RTN3: variants seen among roughly 807,000 people sequenced by gnomAD.
RTN3 encodes the protein reticulon-3.
Under a neutral mutation model 77.8 loss-of-function variants are expected in RTN3, and 49 were observed. The observed-to-expected ratio is 0.63, with a 90% CI of 0.50 to 0.80. The LOEUF (loss-of-function observed/expected upper bound fraction) is 0.80, where lower values mean the gene tolerates loss of function less well. RTN3 is among the 30% of genes least tolerant of loss of function. The pLI, the probability that RTN3 is intolerant of heterozygous loss-of-function variation, is 0.00. For synonymous variants in RTN3, 464 were observed against 446.9 expected (o/e 1.04, Z -0.48); for missense variants, 1,236 against 1,211.9 (o/e 1.02, Z -0.29).
In RTN3 at chr11:63,720,858, C is replaced by T; in HGVS notation, c.2356C>T (p.Pro786Ser). 1 of 1,613,966 alleles carries T rather than the reference C, an allele frequency of 6.2e-7. No individual in the cohort carries two copies. The highest frequency in any genetic ancestry group is 8.5e-7 in the Non-Finnish European group (1 of 1,180,000). Residue 786 changes from proline (P) to serine (S), a missense_variant, in exon 3 of 9, where the codon CCA (proline) becomes TCA (serine). By Grantham distance (74) the Pro-to-Ser change is moderately conservative. Coordinates refer to ENST00000377819, the MANE Select transcript of RTN3 (RefSeq NM_001265589.2). ...QTFTFAPESW[P>S]QRSYDILERN... ...TTTCACATTTGCTCCAGAATCTTGGCCACAGAGATCATATGACATCCTAGA... is the reference window on the plus strand; with the variant it reads ...TTTCACATTTGCTCCAGAATCTTGGTCACAGAGATCATATGACATCCTAGA...
chr11:63,707,121 A>T (rs1185904404), intron 2 of RTN3, among the ~76,000 whole-genome samples: 2 of 151,224 alleles, frequency 1.3e-5, no homozygotes, highest in Non-Finnish European at 2.9e-5. Context: ...CTGGACTCAA[A>T]CTCCTAAACT....
intron 3 of RTN3, among the ~76,000 whole-genome samples, chr11:63,722,904 G>T (rs2011922484): frequency 6.6e-6 from 1 of 152,130 alleles, no homozygotes; most frequent in South Asian, 2.1e-4. Context: ...AATTCTTACA[G>T]GTAGTAACTT....
chr11:63,742,467 G>A (rs1003991214), intron 3 of RTN3, among the ~76,000 whole-genome samples: 6 of 150,844 alleles, frequency 4.0e-5, no homozygotes, highest in Non-Finnish European at 5.9e-5. Flanking sequence ...CCAACATGGT[G>A]AAACCCCGTC....
At chr11:63,685,889 G>C (rs1015220889) in intron 1 of RTN3, among the ~76,000 whole-genome samples, 1 of 152,194 alleles carries the variant, frequency 6.6e-6, no homozygotes, top group Admixed American at 6.5e-5. Flanking sequence ...TACAGGTCAA[G>C]AATGAGTGAT....
At chr11:63,758,110 G>C in intron 8 of RTN3, 46 bp from the exon 9 acceptor site, 1 of 1,334,756 alleles carries the variant, frequency 7.5e-7, no homozygotes, top group East Asian at 2.3e-5. Context: ...TAGAGCAAAT[G>C]CTAATGTTTT....
chr11:63,755,162 A>G (rs1227256012), intron 7 of RTN3, among the ~76,000 whole-genome samples: 1 of 151,994 alleles, frequency 6.6e-6, no homozygotes. Context: ...GCCATAACAT[A>G]TTTATGATGA....
chr11:63,725,529 A>C (rs1190394858), intron 3 of RTN3, among the ~76,000 whole-genome samples: 1 of 151,740 alleles, frequency 6.6e-6, no homozygotes, highest in Non-Finnish European at 1.5e-5. Context: ...GCTCACTGCA[A>C]GCTCCGCCTC....
At chr11:63,740,287 CTT>C (rs764214269) in intron 3 of RTN3, among the ~76,000 whole-genome samples, 1 of 143,906 alleles carries the variant, frequency 6.9e-6, no homozygotes, top group Non-Finnish European at 1.5e-5. Flanking sequence ...ATCTTAGTTT[CTT>C]TTTTTTTTTT....
At chr11:63,751,211 A>G (rs535174881) in intron 4 of RTN3, among the ~76,000 whole-genome samples, 1 of 152,324 alleles carries the variant, frequency 6.6e-6, no homozygotes, top group African/African-American at 2.4e-5. Flanking sequence ...CAGAGCACCT[A>G]GAGCAGCGCT....
At chr11:63,716,703 T>C (rs1432854025) in intron 2 of RTN3, among the ~76,000 whole-genome samples, 1 of 152,126 alleles carries the variant, frequency 6.6e-6, no homozygotes, top group Non-Finnish European at 1.5e-5. Flanking sequence ...CGGTGGCTCA[T>C]GCGTGTATTC....
intron 1 of RTN3, among the ~76,000 whole-genome samples, 179 bp downstream of exon 1, chr11:63,681,957 A>C (rs1425657411): frequency 6.6e-6 from 1 of 152,220 alleles, no homozygotes; most frequent in African/African-American, 2.4e-5. Flanking sequence ...AAGGTTGTGC[A>C]GGCGGTGAGG....
In RTN3 at chr11:63,683,823, G is replaced by A. The variant is rs1349975385; in HGVS notation, c.142+2045G>A. On this transcript the variant is annotated intron_variant, in intron 1 of 8. Transcript: ENST00000377819. Reference sequence around the variant, plus strand: ...AGGTGCTGAAATTATGTGTTTTGTCGAAAGTAGTAGAATTATATCGTGAAG... The same window carrying A: ...AGGTGCTGAAATTATGTGTTTTGTCAAAAGTAGTAGAATTATATCGTGAAG... Among the ~76,000 whole-genome samples the A allele has an allele frequency of 4.6e-5, 7 of 151,856 alleles. No individual in the cohort carries two copies. The East Asian group carries it at 1.2e-3, about 25-fold the overall frequency.
intron 1 of RTN3, among the ~76,000 whole-genome samples, chr11:63,702,376 G>A (rs181468224): frequency 7.3e-5 from 11 of 151,326 alleles, no homozygotes; most frequent in Non-Finnish European, 1.3e-4. Context: ...GTGCAATGGC[G>A]TGATCTCAGC....
At chr11:63,750,715 G>A (rs1326965982) in intron 4 of RTN3, among the ~76,000 whole-genome samples, 8 of 150,916 alleles carry the variant, frequency 5.3e-5, no homozygotes, top group African/African-American at 9.8e-5. Context: ...GCCTCCCAAA[G>A]TGCTGTTTTT....
intron 3 of RTN3, among the ~76,000 whole-genome samples, chr11:63,721,768 C>T (rs2011830233): frequency 1.3e-5 from 2 of 151,840 alleles, no homozygotes; most frequent in Admixed American, 1.3e-4. Context: ...TTGATATGTG[C>T]TTTGTGGAAT....
At chr11:63,716,404 A>G (rs1216764261) in intron 2 of RTN3, among the ~76,000 whole-genome samples, 2 of 152,252 alleles carry the variant, frequency 1.3e-5, no homozygotes, top group Admixed American at 6.5e-5. Context: ...TTACTCATTC[A>G]TGCTCAAGGC....
intron 1 of RTN3, among the ~76,000 whole-genome samples, chr11:63,695,730 C>T (rs984955117): frequency 2.0e-5 from 3 of 152,070 alleles, no homozygotes; most frequent in African/African-American, 7.2e-5. Flanking sequence ...AAATATCTGA[C>T]CAGAGTCTTA....
intron 3 of RTN3, among the ~76,000 whole-genome samples, chr11:63,726,786 C>T (rs966352848): frequency 2.0e-5 from 3 of 151,498 alleles, no homozygotes; most frequent in African/African-American, 4.9e-5. Context: ...GCTTGAACCC[C>T]TGGGGGTGGA....
Position 63,719,920 on chromosome 11 carries a change from C to G in RTN3, c.1418C>G (p.Pro473Arg). 1 of 1,614,110 alleles carries G rather than the reference C, an allele frequency of 6.2e-7. No individual in the cohort carries two copies. Among genetic ancestry groups the G allele is most frequent in the Non-Finnish European group, 8.5e-7 (1 of 1,179,994 alleles). ...GTGGCCACAGTGAAAGTGGTTTTAC[C>G]TGATGACCACCTGAAAGATGAAATG... ...SGVATVKVVL[P>R]DDHLKDEMDW... Residue 473 changes from proline (P) to arginine (R), a missense_variant, in exon 3 of 9, where the codon CCT (proline) becomes CGT (arginine). By Grantham distance (103) the Pro-to-Arg change is moderately radical (BLOSUM62 -2). Coordinates refer to ENST00000377819, the MANE Select transcript of RTN3 (RefSeq NM_001265589.2).
Sources: allele counts gnomAD v4.1 joint callset (sites outside exome capture counted in the v4.1 genomes callset), GRCh38; gene constraint gnomAD v4.1.1; transcripts MANE v1.5; gene names NCBI Gene and HGNC (gene_info 2026-07-23, HGNC 2026-07-21).